The following SHC2 variants were observed in gnomAD, a reference collection of about 807,000 sequenced individuals.
The protein encoded by SHC2 is SHC adaptor protein 2.
A neutral mutation model predicts 60.6 loss-of-function variants in SHC2; 62 were observed. That is an observed-to-expected ratio of 1.02 (90% confidence interval 0.83 to 1.26). The LOEUF is 1.26. SHC2 is among the 50% of genes most tolerant of loss of function. The pLI is 0.00. For missense variants in SHC2, 873 were observed against 822.2 expected (o/e 1.06, Z -0.76); for synonymous variants, 375 against 372.4 (o/e 1.01, Z -0.08).
chr19:449,768 G>A (rs1249824576), intron 1 of SHC2, among the ~76,000 whole-genome samples: 1 of 152,084 alleles, frequency 6.6e-6, no homozygotes, highest in Non-Finnish European at 1.5e-5. Context: ...TCTCAATAAT[G>A]ATAATAATAA....
At chr19:442,970 G>T (rs1480441257) in intron 1 of SHC2, among the ~76,000 whole-genome samples, 1 of 140,864 alleles carries the variant, frequency 7.1e-6, no homozygotes, top group Non-Finnish European at 1.6e-5. Flanking sequence ...CGGGTGGGTG[G>T]ATGGGTGGAT....
chr19:447,402 C>A lies in SHC2; in HGVS notation c.469-6470G>T, dbSNP rs142363900. ...CTAGACACGGGTGAGGGTTGCAGAACCGTGTGGCTGCACTAAATACACCGC... is the reference window on the plus strand; with the variant it reads ...CTAGACACGGGTGAGGGTTGCAGAAACGTGTGGCTGCACTAAATACACCGC... On this transcript the variant is annotated intron_variant, in intron 1 of 12. Transcript: ENST00000264554. Among the ~76,000 whole-genome samples the A allele has an allele frequency of 6.0e-3, 917 of 152,350 alleles. 9 individuals carry two copies. Among genetic ancestry groups the A allele is most frequent in the African/African-American group, 0.021 (858 of 41,576 alleles).
chr19:427,644 C>T (rs1299424446), intron 9 of SHC2, among the ~76,000 whole-genome samples: 1 of 76,580 alleles, frequency 1.3e-5, no homozygotes, highest in Non-Finnish European at 2.4e-5. Context: ...GGACAGGGGA[C>T]GGCGCACAGC....
At chr19:428,019 A>G (rs903089750) in intron 9 of SHC2, among the ~76,000 whole-genome samples, 17 of 152,188 alleles carry the variant, frequency 1.1e-4, no homozygotes, top group African/African-American at 4.1e-4. Context: ...TCTTGAGCCC[A>G]GGGCTTTGAG....
rs1974376540 is a variant in SHC2, at chr19:425,065, C to T, written c.1309+32G>A. 3 of 1,355,842 alleles carry T rather than the reference C, an allele frequency of 2.2e-6. No individual in the cohort carries two copies. Among genetic ancestry groups the T allele is most frequent in the South Asian group, 2.2e-5 (1 of 45,074 alleles). 84.0% of individuals were successfully genotyped at this position (1,355,842 alleles called of 1,614,324 possible). A position where few individuals can be genotyped will look rare whatever the true frequency, so the allele number is the denominator to read the frequency against. On this transcript the variant is annotated intron_variant, in intron 10 of 12. Transcript: ENST00000264554. This position sits in a 1 kb window ranked among gnomAD's most constrained non-coding sequence, Gnocchi z 4.1. Reference sequence around the variant, plus strand: ...CCCCATCAGACAACACGGCCACACGCGATGACGGCCGCCCCCCAGGCTGCC... The same window carrying T: ...CCCCATCAGACAACACGGCCACACGTGATGACGGCCGCCCCCCAGGCTGCC...
In SHC2 at chr19:435,846, G is replaced by A. The variant is rs201890556; in HGVS notation, c.953+319C>T. 60 of 320,008 alleles carry A rather than the reference G, an allele frequency of 1.9e-4. 1 individual carries two copies. The East Asian group carries it at 3.1e-3, about 16-fold the overall frequency. The allele number at this position is 320,008 out of a possible 1,614,324, so 19.8% of individuals were successfully genotyped here. On this transcript the variant is annotated intron_variant, in intron 7 of 12. Transcript: ENST00000264554. Reference sequence around the variant, plus strand: ...CATGTTCTGCGGTGAGACGGAGGCCGTTTTCTGCCCATTGCGGGAGCCGGC... The same window carrying A: ...CATGTTCTGCGGTGAGACGGAGGCCATTTTCTGCCCATTGCGGGAGCCGGC...
chr19:457,825 C>A (rs1476038562), intron 1 of SHC2, among the ~76,000 whole-genome samples: 1 of 152,258 alleles, frequency 6.6e-6, no homozygotes, highest in African/African-American at 2.4e-5. Context: ...GTGGAACACG[C>A]CGGCCGTCGG....
At chr19:458,386 G>A (rs1431623262) in intron 1 of SHC2, among the ~76,000 whole-genome samples, 1 of 139,848 alleles carries the variant, frequency 7.2e-6, no homozygotes, top group Non-Finnish European at 1.6e-5. Context: ...CGGGGAGGCG[G>A]AATCGGGTTC....
At chr19:449,873 G>A (rs1218236809) in intron 1 of SHC2, among the ~76,000 whole-genome samples, 3 of 152,182 alleles carry the variant, frequency 2.0e-5, no homozygotes, top group African/African-American at 7.2e-5. Context: ...GTCTTCTTTG[G>A]AACTTTTCGT....
chr19:425,203 CG>C lies in SHC2; in HGVS notation c.1202del (p.Ala401GlyfsTer43). The C allele has an allele frequency of 7.5e-7, 1 of 1,340,580 alleles. No individual in the cohort carries two copies. Among genetic ancestry groups the C allele is most frequent in the South Asian group, 2.4e-5 (1 of 41,798 alleles). 83.0% of individuals were successfully genotyped at this position (1,340,580 alleles called of 1,614,324 possible). A position where few individuals can be genotyped will look rare whatever the true frequency, so the allele number is the denominator to read the frequency against. On this transcript the variant is annotated frameshift_variant, in exon 10 of 13. Transcript: ENST00000264554. LOFTEE classifies it high-confidence loss of function. The surrounding 1 kb of genome is among the most constrained non-coding windows in gnomAD (Gnocchi z 4.1). ...TAPPGDGYVQ[A>X]DARGPPDHEE... is the part of the protein sequence containing the mutation. Reference sequence around the variant, plus strand: ...CGTGGTCCGGGGGGCCCCGGGCGTCCGCCTGCACGTAGCCGTCCCCCGGTGG... The same window carrying C: ...CGTGGTCCGGGGGGCCCCGGGCGTCCCCTGCACGTAGCCGTCCCCCGGTGG...
intron 8 of SHC2, among the ~76,000 whole-genome samples, chr19:431,103 G>C (rs536668512): frequency 6.8e-6 from 1 of 146,316 alleles, no homozygotes; most frequent in East Asian, 2.1e-4. Context: ...AAGGCCTCCG[G>C]ACCGCCCTAC....
At position 446,250 on chromosome 19, in the gene SHC2, C is replaced by T. The variant is rs1975048583; in HGVS notation, c.469-5318G>A. Among the ~76,000 whole-genome samples, 1 of 152,012 alleles carries T rather than the reference C, an allele frequency of 6.6e-6. No individual in the cohort carries two copies. ...CCACACCTTGGCTCGGACGTTGGGC[C>T]CCAGAACTGTGACAGAACAAGTCTA... On this transcript the variant is annotated intron_variant, in intron 1 of 12. Transcript: ENST00000264554. The surrounding 1 kb of genome is among the most constrained non-coding windows in gnomAD (Gnocchi z 5.4).
intron 9 of SHC2, among the ~76,000 whole-genome samples, chr19:429,500 C>A (rs1013688625): frequency 1.3e-5 from 2 of 149,974 alleles, no homozygotes; most frequent in Non-Finnish European, 3.0e-5. Flanking sequence ...CTATACCCAA[C>A]GTGCACGGAA....
At chr19:457,252 G>C (rs561860221) in intron 1 of SHC2, among the ~76,000 whole-genome samples, 6 of 135,522 alleles carry the variant, frequency 4.4e-5, no homozygotes, top group Non-Finnish European at 8.0e-5. Flanking sequence ...GCTGTGCCCC[G>C]ACTAGAACTC....
At position 438,956 on chromosome 19, in the gene SHC2, C is replaced by A. The variant is rs775047147; in HGVS notation, c.600+14G>T. 2.5e-6 allele frequency: 4 copies of A among 1,595,984 alleles called. No homozygotes were observed. In the Admixed American group the frequency reaches 6.9e-5, roughly 27 times the overall value. The stretch of plus-strand genomic sequence containing the variant: ...GCCCCACCAGCCCCACGAGAGACCA[C>A]AAGCCTCACTCACCTTTTTCTTCCA... On this transcript the variant is annotated intron_variant, in intron 3 of 12. Coordinates refer to ENST00000264554, the MANE Select transcript of SHC2 (RefSeq NM_012435.3). This position sits in a 1 kb window ranked among gnomAD's most constrained non-coding sequence, Gnocchi z 5.0.
intron 1 of SHC2, among the ~76,000 whole-genome samples, chr19:449,754 C>G (rs114737070): frequency 1.3e-5 from 2 of 152,054 alleles, no homozygotes; most frequent in Non-Finnish European, 2.9e-5. Flanking sequence ...AGAGCAAAAC[C>G]GTGTCTCAAT....
At chr19:429,202 C>A (rs1301647400) in intron 9 of SHC2, among the ~76,000 whole-genome samples, 3 of 149,008 alleles carry the variant, frequency 2.0e-5, no homozygotes, top group African/African-American at 7.4e-5. Context: ...GTACCTATAT[C>A]CAACATGCAG....
rs757407266 is a variant in SHC2, at chr19:440,955, A to ATG, written c.469-24_469-23insCA. The ATG allele has an allele frequency of 6.2e-7, 1 of 1,607,116 alleles. No homozygotes were observed. Among genetic ancestry groups the ATG allele is most frequent in the Non-Finnish European group, 8.5e-7 (1 of 1,174,698 alleles). ...GTACTGAGGGGAGAGAACAGGTGTC[A>ATG]GATGCCATCGGAACCCCCGCAGTGG... is the stretch of plus-strand genomic sequence containing the variant. On this transcript the variant is annotated intron_variant, in intron 1 of 12. Transcript: ENST00000264554. The surrounding 1 kb of genome is among the most constrained non-coding windows in gnomAD (Gnocchi z 7.0).
At position 425,225 on chromosome 19, in the gene SHC2, G is replaced by C. The variant is rs763220073; in HGVS notation, c.1181C>G (p.Pro394Arg). 1.5e-6 allele frequency: 2 copies of C among 1,336,544 alleles called. No homozygotes were observed. Among genetic ancestry groups the C allele is most frequent in the Non-Finnish European group, 1.9e-6 (2 of 1,034,140 alleles). The allele number at this position is 1,336,544 out of a possible 1,614,324, so 82.8% of individuals were successfully genotyped here. A position where few individuals can be genotyped will look rare whatever the true frequency, so the allele number is the denominator to read the frequency against. The change falls in exon 10 of 13, where the codon CCG (proline) becomes CGG (arginine). Residue 394 changes from proline to arginine, a missense_variant. Pro to Arg is a moderately radical substitution (Grantham distance 103, BLOSUM62 -2). Coordinates refer to ENST00000264554, the MANE Select transcript of SHC2 (RefSeq NM_012435.3). This position sits in a 1 kb window ranked among gnomAD's most constrained non-coding sequence, Gnocchi z 4.1. ...GTCCGCCTGCACGTAGCCGTCCCCC[G>C]GTGGAGCTGGGGAGTGTAAAGAGGG... ...WDVGSTGTAP[P>R]GDGYVQADAR...
Sources: allele counts gnomAD v4.1 joint callset (sites outside exome capture counted in the v4.1 genomes callset), GRCh38; gene constraint gnomAD v4.1.1; non-coding constraint Gnocchi (gnomAD v3.1); transcripts MANE v1.5; gene names NCBI Gene and HGNC (gene_info 2026-07-23, HGNC 2026-07-21).